The following DET1 variants were observed in gnomAD, a reference collection of about 807,000 sequenced individuals.
DET1 encodes DET1 homolog.
A neutral mutation model predicts 43.7 loss-of-function variants in DET1; 22 were observed. The ratio of observed to expected loss-of-function variants is 0.50; its 90% CI spans 0.36 to 0.72. The LOEUF is 0.72. Ranked by LOEUF, DET1 falls within the 30% of genes least tolerant of loss-of-function variation. The pLI is 0.00. For synonymous variants in DET1, 315 were observed against 266.2 expected, an observed-to-expected ratio of 1.18 and a Z score of -1.79; for missense variants, 713 against 713.3, an observed-to-expected ratio of 1.00 and a Z score of 0.00.
chr15:88,514,518 T>C (rs1052945620), intron 4 of DET1, among the ~76,000 whole-genome samples: 9 of 152,226 alleles, frequency 5.9e-5, no homozygotes, highest in African/African-American at 1.9e-4. Flanking sequence ...TTTGTTTTAA[T>C]GTAAAAATGT....
chr15:88,508,148 G>T (rs1241702918), downstream of DET1, among the ~76,000 whole-genome samples: 1 of 152,138 alleles, frequency 6.6e-6, no homozygotes, highest in Non-Finnish European at 1.5e-5. Flanking sequence ...CAAGCTCAGG[G>T]CTCCCACTGA....
chr15:88,509,736 G>A (rs1447270336), downstream of DET1, among the ~76,000 whole-genome samples: 3 of 152,186 alleles, frequency 2.0e-5, no homozygotes, highest in Non-Finnish European at 4.4e-5. Context: ...GAGTACACAG[G>A]ACACAGCTGG....
chr15:88,539,638 A>T (rs1567074679), intron 1 of DET1, among the ~76,000 whole-genome samples: 1 of 152,104 alleles, frequency 6.6e-6, no homozygotes, highest in Admixed American at 6.6e-5. Flanking sequence ...CAAGGTCCTT[A>T]GTGCTGATTT....
At chr15:88,511,454 T>G (rs1770652376), downstream of DET1, 1 of 985,382 alleles carries the variant, frequency 1.0e-6, no homozygotes, top group African/African-American at 1.7e-5. Flanking sequence ...TCCATGCCTT[T>G]GTATATGCTG....
intron 3 of DET1, among the ~76,000 whole-genome samples, chr15:88,520,061 A>T (rs73450131): frequency 0.025 from 3,857 of 152,204 alleles, 185 homozygotes; most frequent in African/African-American, 0.088. Context: ...CTGCGCTCCC[A>T]TGCAAGGCAA....
At chr15:88,527,044 A>G (rs1450140546) in intron 3 of DET1, among the ~76,000 whole-genome samples, 1 of 152,196 alleles carries the variant, frequency 6.6e-6, no homozygotes, top group African/African-American at 2.4e-5. Context: ...TCTCTGAGGT[A>G]TGCTAAGTCA....
intron 4 of DET1, among the ~76,000 whole-genome samples, chr15:88,513,885 C>T (rs560059430): frequency 4.8e-5 from 7 of 147,184 alleles, no homozygotes; most frequent in Non-Finnish European, 1.0e-4. Context: ...CTGCAAGCTC[C>T]GCCTCCCGGG....
At chr15:88,536,883 T>A (rs1186703871) in intron 1 of DET1, among the ~76,000 whole-genome samples, 1 of 150,206 alleles carries the variant, frequency 6.7e-6, no homozygotes, top group African/African-American at 2.5e-5. Flanking sequence ...CAATTTCAAG[T>A]GGTTAGAGCA....
chr15:88,535,903 C>T (rs1246228996), intron 1 of DET1, among the ~76,000 whole-genome samples: 1 of 152,106 alleles, frequency 6.6e-6, no homozygotes, highest in Non-Finnish European at 1.5e-5. Flanking sequence ...ATATAAACTC[C>T]AATTCAAAAG....
intron 8 of DET1, chr15:88,502,539 C>T (rs1267837767): frequency 6.6e-6 from 1 of 152,210 alleles, no homozygotes; most frequent in Non-Finnish European, 1.5e-5. Flanking sequence ...TGTGGGGAGC[C>T]TTCGAGCTCC....
chr15:88,509,244 G>A (rs2056172276), downstream of DET1, among the ~76,000 whole-genome samples: 1 of 152,134 alleles, frequency 6.6e-6, no homozygotes, highest in South Asian at 2.1e-4. Flanking sequence ...TTGAATTCCT[G>A]GGTTCAAGCA....
chr15:88,517,041 G>C (rs938702345), intron 3 of DET1, 68 bp from the exon 4 acceptor site: 5 of 1,171,224 alleles, frequency 4.3e-6, no homozygotes, highest in Non-Finnish European at 5.9e-6. Flanking sequence ...ATTTTAAATT[G>C]ACAAATATAT....
chr15:88,510,767 TTTTG>T (rs1409915427), downstream of DET1, among the ~76,000 whole-genome samples: 2 of 147,150 alleles, frequency 1.4e-5, no homozygotes, highest in East Asian at 5.3e-4. Context: ...TTGTTTTTTT[TTTTG>T]TTTTTTTTTT....
downstream of DET1, among the ~76,000 whole-genome samples, chr15:88,510,306 T>C (rs903517060): frequency 1.3e-5 from 2 of 152,164 alleles, no homozygotes; most frequent in Non-Finnish European, 2.9e-5. Flanking sequence ...TCAGAAAAGA[T>C]AGAAGATTGG....
intron 7 of DET1, chr15:88,505,002 C>T (rs539145422): frequency 6.6e-6 from 1 of 152,318 alleles, no homozygotes; most frequent in Non-Finnish European, 1.5e-5. Flanking sequence ...AGACAAATGC[C>T]AGTACCTTTA....
chr15:88,526,269 C>T lies in DET1; in HGVS notation c.1271+1330G>A, dbSNP rs905076699. On this transcript the variant is annotated intron_variant, in intron 3 of 4. Coordinates refer to ENST00000268148, the MANE Select transcript of DET1 (RefSeq NM_001144074.3). ...GCAGTAATGCTTATTCTGATTCATC[C>T]ACTCACTGTGGTCTGATCTATCTTT... Among the ~76,000 whole-genome samples the T allele has an allele frequency of 4.6e-5, 7 of 152,266 alleles. No homozygotes were observed. In the East Asian group the frequency reaches 1.3e-3, roughly 29 times the overall value.
At chr15:88,538,953 G>A (rs1255434548) in intron 1 of DET1, among the ~76,000 whole-genome samples, 2 of 152,100 alleles carry the variant, frequency 1.3e-5, no homozygotes, top group Admixed American at 6.5e-5. Flanking sequence ...ACTCTAGGAC[G>A]CTACTGGGTT....
At chr15:88,542,202 G>A (rs1236543439) in intron 1 of DET1, among the ~76,000 whole-genome samples, 1 of 152,142 alleles carries the variant, frequency 6.6e-6, no homozygotes, top group East Asian at 1.9e-4. Flanking sequence ...TCTGAAGAGA[G>A]GCCAGAAAAC....
chr15:88,539,377 G>A (rs1289640033), intron 1 of DET1, among the ~76,000 whole-genome samples: 2 of 146,480 alleles, frequency 1.4e-5, no homozygotes, highest in African/African-American at 2.5e-5. Flanking sequence ...AGGAGCCCAA[G>A]TCCCCTCAGG....
Sources: gnomAD v4.1 joint callset for allele counts (sites outside exome capture counted in the v4.1 genomes callset) on GRCh38, gnomAD v4.1.1 for gene constraint, MANE v1.5 for transcripts, NCBI Gene and HGNC (gene_info 2026-07-23, HGNC 2026-07-21) for gene names.